The following RANBP2 variants were observed in gnomAD, a reference collection of about 807,000 sequenced individuals.
RANBP2 encodes RAN binding protein 2.
A neutral mutation model predicts 303.6 loss-of-function variants in RANBP2; 57 were observed. The observed-to-expected ratio is 0.19, with a 90% confidence interval of 0.15 to 0.23. The LOEUF is 0.23. Among genes scored for constraint, RANBP2 ranks in the 10% least tolerant of loss-of-function variants. RANBP2 has a pLI of 1.00. For synonymous variants in RANBP2, 1,167 were observed against 1,301.5 expected (o/e 0.90, Z 2.23); for missense variants, 3,138 against 3,780.8 (o/e 0.83, Z 4.46).
At chr2:109,535,374 C>G in the RANBP2 span, among the ~76,000 whole-genome samples, 5 of 152,226 alleles carry the variant, frequency 3.3e-5, no homozygotes, top group Non-Finnish European at 7.3e-5. Flanking sequence ...GCCCTCCCAA[C>G]TCCCTCCCAG....
chr2:108,721,832 C>G (rs1458710523), intron 1 of RANBP2, among the ~76,000 whole-genome samples: 1 of 152,096 alleles, frequency 6.6e-6, no homozygotes, highest in Non-Finnish European at 1.5e-5. Context: ...GCGTTGACGT[C>G]CTGGGCTCAA....
chr2:108,923,691 G>T, the RANBP2 span, among the ~76,000 whole-genome samples: 3 of 152,210 alleles, frequency 2.0e-5, no homozygotes, highest in African/African-American at 7.2e-5. Context: ...TTTGATCTCA[G>T]CCCCTTTCTG....
the RANBP2 span, among the ~76,000 whole-genome samples, chr2:109,012,117 T>G: frequency 6.6e-6 from 1 of 152,206 alleles, no homozygotes; most frequent in Non-Finnish European, 1.5e-5. Flanking sequence ...GAGCGGAAGA[T>G]TAAAAATCTC....
the RANBP2 span, among the ~76,000 whole-genome samples, chr2:109,508,100 C>G: frequency 2.0e-5 from 3 of 152,278 alleles, no homozygotes; most frequent in South Asian, 6.2e-4. Context: ...CATCTTACAG[C>G]ACAATGAGGA....
At chr2:109,675,568 G>A in the RANBP2 span, among the ~76,000 whole-genome samples, 1 of 152,120 alleles carries the variant, frequency 6.6e-6, no homozygotes, top group Non-Finnish European at 1.5e-5. Context: ...TGTAATCCCA[G>A]CTACTTGGGA....
the RANBP2 span, among the ~76,000 whole-genome samples, chr2:109,196,397 C>T: frequency 3.1e-4 from 47 of 152,322 alleles, no homozygotes; most frequent in East Asian, 6.4e-3. Flanking sequence ...CATTTAATCC[C>T]GTGGCGGGCA....
At chr2:108,965,585 C>T in the RANBP2 span, among the ~76,000 whole-genome samples, 2 of 152,216 alleles carry the variant, frequency 1.3e-5, no homozygotes, top group South Asian at 2.1e-4. Context: ...GGATTTTCTC[C>T]TCCTGGGCTC....
chr2:109,748,445 G>T, the RANBP2 span, among the ~76,000 whole-genome samples: 1 of 57,462 alleles, frequency 1.7e-5, no homozygotes, highest in Admixed American at 2.2e-4. Flanking sequence ...CATTTTCTAG[G>T]TGTAAAAATT....
the RANBP2 span, among the ~76,000 whole-genome samples, chr2:109,686,940 T>A: frequency 6.6e-6 from 1 of 152,240 alleles, no homozygotes; most frequent in African/African-American, 2.4e-5. Context: ...GTAGATGTGA[T>A]AAATGTACAT....
At chr2:108,943,193 C>T in the RANBP2 span, among the ~76,000 whole-genome samples, 2 of 152,156 alleles carry the variant, frequency 1.3e-5, no homozygotes, top group Non-Finnish European at 2.9e-5. Flanking sequence ...TCGTCATTCT[C>T]TTTTCAAGTA....
the RANBP2 span, among the ~76,000 whole-genome samples, chr2:109,392,794 C>T: frequency 5.8e-4 from 89 of 152,244 alleles, no homozygotes; most frequent in Non-Finnish European, 1.0e-3. Context: ...AGATTACAGG[C>T]GTCAGCCACC....
chr2:109,638,470 G>C, the RANBP2 span, among the ~76,000 whole-genome samples: 1 of 152,154 alleles, frequency 6.6e-6, no homozygotes, highest in South Asian at 2.1e-4. Flanking sequence ...GGGTTGCTTT[G>C]TTTTTCCTGA....
the RANBP2 span, among the ~76,000 whole-genome samples, chr2:109,189,315 C>G: frequency 6.6e-6 from 1 of 152,046 alleles, no homozygotes; most frequent in Non-Finnish European, 1.5e-5. Flanking sequence ...CCTGACACCC[C>G]CCACCATCTA....
In RANBP2 at chr2:108,783,612, A is replaced by C. The variant is rs776629202; in HGVS notation, c.9386A>C (p.Lys3129Thr). 6.2e-7 allele frequency: 1 copy of C among 1,611,448 alleles called. No individual in the cohort carries two copies. Among genetic ancestry groups the C allele is most frequent in the South Asian group, 1.1e-5 (1 of 90,384 alleles). ...DFVCQGGDITKHDGTGGQSIY... is the reference protein window; with the variant it reads ...DFVCQGGDITTHDGTGGQSIY... ...TTTTTTCAGGGAGGAGATATCACCA[A>C]ACATGATGGAACAGGCGGACAGTCC... The change falls in exon 29 of 29, where the codon AAA (lysine) becomes ACA (threonine). Residue 3129 changes from lysine (K) to threonine (T), a missense_variant. Around this residue, in one of 20 missense-constraint regions of RANBP2, gnomAD observed 204 missense variants for 228.4 expected, o/e 0.89. Transcript: ENST00000283195.
chr2:109,489,855 A>G, the RANBP2 span, among the ~76,000 whole-genome samples: 1 of 152,114 alleles, frequency 6.6e-6, no homozygotes, highest in Non-Finnish European at 1.5e-5. Context: ...CTCCCACCTC[A>G]GGCTCCTGAG....
At chr2:109,029,515 C>T in the RANBP2 span, among the ~76,000 whole-genome samples, 1 of 152,230 alleles carries the variant, frequency 6.6e-6, no homozygotes, top group Non-Finnish European at 1.5e-5. Context: ...TGTGTCTGTC[C>T]GTTTCCAAGG....
chr2:108,894,502 TATA>T, the RANBP2 span: 2 of 152,454 alleles, frequency 1.3e-5, no homozygotes, highest in Non-Finnish European at 2.9e-5. Context: ...GATTATAAAA[TATA>T]ATAAGTTATA....
chr2:109,448,650 G>C, the RANBP2 span, among the ~76,000 whole-genome samples: 13 of 152,234 alleles, frequency 8.5e-5, no homozygotes, highest in African/African-American at 2.9e-4. Flanking sequence ...AATAAGCTCA[G>C]GGGTCCTACT....
the RANBP2 span, among the ~76,000 whole-genome samples, chr2:109,068,883 T>G: frequency 6.6e-6 from 1 of 152,252 alleles, no homozygotes; most frequent in African/African-American, 2.4e-5. Context: ...TGTCATTATG[T>G]GGTCCCTCCT....
Sources: gnomAD v4.1 joint callset for allele counts (sites outside exome capture counted in the v4.1 genomes callset) on GRCh38, gnomAD v4.1.1 for gene constraint, gnomAD v4.1.1 regional missense constraint, MANE v1.5 for transcripts, NCBI Gene and HGNC (gene_info 2026-07-23, HGNC 2026-07-21) for gene names.